Variants in ADAMTS6 observed in about 807,000 individuals in gnomAD.
The protein encoded by ADAMTS6 is A disintegrin and metalloproteinase with thrombospondin motifs 6.
A neutral mutation model predicts 144.3 loss-of-function variants in ADAMTS6; 23 were observed. That is an observed-to-expected ratio of 0.16 (90% CI 0.11 to 0.23). ADAMTS6 has a LOEUF of 0.23. ADAMTS6 is among the 10% of genes least tolerant of loss of function. ADAMTS6 has a pLI of 1.00. For synonymous variants in ADAMTS6, 444 were observed against 457.5 expected (o/e 0.97, Z 0.38); for missense variants, 999 against 1,379.6 (o/e 0.72, Z 4.37).
intron 7 of ADAMTS6, among the ~76,000 whole-genome samples, chr5:65,429,097 C>T (rs1433526510): frequency 6.6e-6 from 1 of 151,968 alleles, no homozygotes; most frequent in African/African-American, 2.4e-5. Flanking sequence ...ATTTCCCTTG[C>T]CCCTTCTCTA....
intron 7 of ADAMTS6, among the ~76,000 whole-genome samples, chr5:65,366,020 AT>A (rs1292025705): frequency 6.6e-6 from 1 of 151,926 alleles, no homozygotes; most frequent in Non-Finnish European, 1.5e-5. Context: ...AAAAAAAAAA[AT>A]CTCTTTTGGT....
At chr5:65,159,366 GCTTC>G (rs1752617255) in intron 24 of ADAMTS6, among the ~76,000 whole-genome samples, 2 of 152,164 alleles carry the variant, frequency 1.3e-5, no homozygotes, top group South Asian at 4.2e-4. Context: ...TAGAGTCCTA[GCTTC>G]CTTCCACTAC....
At chr5:65,341,294 A>G (rs1291842543) in intron 7 of ADAMTS6, among the ~76,000 whole-genome samples, 2 of 151,998 alleles carry the variant, frequency 1.3e-5, no homozygotes. Context: ...ATGCATCTCA[A>G]GAAACTAGAA....
rs1749317677 is a variant in ADAMTS6 at position 65,356,316 on chromosome 5, G to A, written c.1074-22231C>T. Among the ~76,000 whole-genome samples the A allele has an allele frequency of 2.0e-5, 3 of 151,758 alleles. No individual in the cohort carries two copies. The South Asian group carries it at 6.2e-4, about 31-fold the overall frequency. ...TTTATCTTAAAAATAAAACATTTTTGTGGGTCTCTTGAAAACTAGCTGTCA... is the reference window on the plus strand; with the variant it reads ...TTTATCTTAAAAATAAAACATTTTTATGGGTCTCTTGAAAACTAGCTGTCA... On this transcript the variant is annotated intron_variant, in intron 7 of 24. Transcript: ENST00000381055.
At chr5:65,443,465 AC>A (rs987847112) in intron 7 of ADAMTS6, among the ~76,000 whole-genome samples, 21 of 151,786 alleles carry the variant, frequency 1.4e-4, no homozygotes, top group African/African-American at 4.3e-4. Context: ...TACAAAATAT[AC>A]AAAAAATTAG....
rs1761201802 is a variant in ADAMTS6, at chr5:65,481,457, T to C, written c.-394A>G. The stretch of plus-strand genomic sequence containing the variant: ...TTTTTTAATTTTTTTTATTTTTTTA[T>C]TTTTTGCCCCCCTTTGCAAAGCCAC... On this transcript the variant is annotated 5_prime_UTR_variant, in exon 1 of 25. Coordinates refer to ENST00000381055, the MANE Select transcript of ADAMTS6 (RefSeq NM_197941.4). 6.6e-6 allele frequency: 1 copy of C among 151,968 alleles called. No homozygotes were observed. The highest frequency in any genetic ancestry group is 2.4e-5 in the African/African-American group (1 of 41,350). 9.4% of individuals were successfully genotyped at this position (151,968 alleles called of 1,614,324 possible).
chr5:65,372,280 C>A (rs1364530959), intron 7 of ADAMTS6, among the ~76,000 whole-genome samples: 1 of 151,070 alleles, frequency 6.6e-6, no homozygotes, highest in African/African-American at 2.5e-5. Context: ...TGTAAATGGA[C>A]TAAATGCTCC....
At chr5:65,348,500 G>C (rs1181829772) in intron 7 of ADAMTS6, among the ~76,000 whole-genome samples, 1 of 152,118 alleles carries the variant, frequency 6.6e-6, no homozygotes, top group East Asian at 1.9e-4. Flanking sequence ...ACAGGCTAGG[G>C]ATGGGAGAGA....
At chr5:65,416,769 A>T (rs1580657908) in intron 7 of ADAMTS6, among the ~76,000 whole-genome samples, 1 of 150,524 alleles carries the variant, frequency 6.6e-6, no homozygotes, top group Admixed American at 6.6e-5. Flanking sequence ...AAAAAAACCA[A>T]CAACAACAAC....
chr5:65,305,038 G>A (rs1158290136), intron 9 of ADAMTS6, among the ~76,000 whole-genome samples: 1 of 151,526 alleles, frequency 6.6e-6, no homozygotes, highest in East Asian at 1.9e-4. Context: ...TTGTATGACA[G>A]CTATATAAGA....
At chr5:65,241,289 G>A (rs1759163612) in intron 15 of ADAMTS6, among the ~76,000 whole-genome samples, 1 of 144,634 alleles carries the variant, frequency 6.9e-6, no homozygotes, top group African/African-American at 2.6e-5. Context: ...GGAGTGCAGT[G>A]GCGTGATCTT....
chr5:65,443,451 T>C (rs1758022734), intron 7 of ADAMTS6, among the ~76,000 whole-genome samples: 1 of 151,566 alleles, frequency 6.6e-6, no homozygotes, highest in African/African-American at 2.4e-5. Context: ...TGAAACTCCA[T>C]CTCTACAAAA....
At chr5:65,318,304 T>G (rs973394401) in intron 9 of ADAMTS6, among the ~76,000 whole-genome samples, 2 of 152,122 alleles carry the variant, frequency 1.3e-5, no homozygotes, top group African/African-American at 4.8e-5. Flanking sequence ...GTACAGCCAC[T>G]ATGAAGAACA....
chr5:65,262,180 G>A (rs1192777059), intron 13 of ADAMTS6, among the ~76,000 whole-genome samples: 1 of 152,198 alleles, frequency 6.6e-6, no homozygotes, highest in African/African-American at 2.4e-5. Context: ...GAATACTGAT[G>A]GTGCTGGCCT....
intron 21 of ADAMTS6, 37 bp downstream of exon 21, chr5:65,196,985 C>G (rs1293991776): frequency 6.3e-7 from 1 of 1,595,070 alleles, no homozygotes; most frequent in South Asian, 1.1e-5. Flanking sequence ...CTCTTTGCAC[C>G]TGAAGAAAAT....
chr5:65,230,039 T>C (rs1758027351), intron 15 of ADAMTS6, among the ~76,000 whole-genome samples: 1 of 151,910 alleles, frequency 6.6e-6, no homozygotes, highest in African/African-American at 2.4e-5. Context: ...GGGAACTCCA[T>C]AGGTCTATCA....
At chr5:65,432,142 C>T in intron 7 of ADAMTS6, among the ~76,000 whole-genome samples, 1 of 151,974 alleles carries the variant, frequency 6.6e-6, no homozygotes, top group East Asian at 1.9e-4. Context: ...TAGTTTTTGA[C>T]AAATTTGTAG....
At chr5:65,210,659 T>A (rs1756461149) in intron 20 of ADAMTS6, 2 of 617,848 alleles carry the variant, frequency 3.2e-6, no homozygotes, top group African/African-American at 3.6e-5. Context: ...ACCAAACAAT[T>A]CCCTGGTTAT....
At chr5:65,275,479 A>C (rs1194949127) in intron 11 of ADAMTS6, among the ~76,000 whole-genome samples, 1 of 151,536 alleles carries the variant, frequency 6.6e-6, no homozygotes, top group Non-Finnish European at 1.5e-5. Flanking sequence ...AAAGAAAGGG[A>C]TCATGTACTG....
Sources: allele counts gnomAD v4.1 joint callset (sites outside exome capture counted in the v4.1 genomes callset), GRCh38; gene constraint gnomAD v4.1.1; transcripts MANE v1.5; gene names NCBI Gene and HGNC (gene_info 2026-07-23, HGNC 2026-07-21).